Variants in DBI observed in about 807,000 individuals in gnomAD.
DBI encodes the protein acyl-CoA-binding protein.
Under a neutral mutation model 13.0 loss-of-function variants are expected in DBI, and 12 were observed. The observed-to-expected ratio is 0.92, with a 90% confidence interval of 0.59 to 1.49. The LOEUF is 1.49. Among genes scored for constraint, DBI ranks in the 40% most tolerant of loss-of-function variants. The probability of loss-of-function intolerance (pLI) is 0.00; values close to 1 mark genes in which losing one functional copy is unlikely to be tolerated. For missense variants in DBI, 95 were observed against 104.8 expected, an observed-to-expected ratio of 0.91 and a Z score of 0.41; for synonymous variants, 37 against 37.4, an observed-to-expected ratio of 0.99 and a Z score of 0.04.
chr2:119,370,832 G>GTGAAACCC, intron 3 of DBI, 30 bp downstream of exon 3: 1 of 1,589,262 alleles, frequency 6.3e-7, no homozygotes, highest in Non-Finnish European at 8.6e-7. Flanking sequence ...TCTCTCATTT[G>GTGAAACCC]TGAAACCCAG....
chr2:119,369,058 C>G (rs1681317008), intron 2 of DBI, among the ~76,000 whole-genome samples: 2 of 152,180 alleles, frequency 1.3e-5, no homozygotes, highest in African/African-American at 4.8e-5. Context: ...AGCAGGTGGG[C>G]TGGCTGCCAA....
At chr2:119,367,953 T>C in intron 1 of DBI, 11 of 1,614,196 alleles carry the variant, frequency 6.8e-6, no homozygotes, top group Non-Finnish European at 9.3e-6. Flanking sequence ...GGATATATGG[T>C]TTTCGATTGA....
Position 119,368,307 on chromosome 2 carries a change from T to C in DBI, c.127+2T>C. ...CAACTGTGGGCGACATAAATACAGG[T>C]ATGCAGAGCGGGGGTTGGAAGGGCA... On this transcript the variant is annotated splice_donor_variant, in intron 2 of 3. Transcript: ENST00000355857. LOFTEE classifies it high-confidence loss of function. 1.2e-6 allele frequency: 2 copies of C among 1,608,988 alleles called. No homozygotes were observed. The highest frequency in any genetic ancestry group is 1.7e-6 in the Non-Finnish European group (2 of 1,175,364).
chr2:119,368,065 C>G, intron 1 of DBI, 123 bp from the exon 2 acceptor site: 1 of 1,503,710 alleles, frequency 6.7e-7, no homozygotes. Flanking sequence ...CTGCATTGCC[C>G]GAAGGGTGCC....
rs540715510 is a variant in DBI, at chr2:119,371,989, G to T, written c.191-256G>T. 3.9e-5 allele frequency among the ~76,000 whole-genome samples: 6 copies of T among 152,358 alleles called. No homozygotes were observed. In the South Asian group the frequency reaches 1.2e-3, roughly 32 times the overall value. On this transcript the variant is annotated intron_variant, in intron 3 of 3. Coordinates refer to ENST00000355857, the MANE Select transcript of DBI (RefSeq NM_001079862.4). ...CAATGGCCATTCCCCCAGGACAGGT[G>T]GGGGACGCAGGTGTCCAGCAGATGG...
At chr2:119,367,763 T>C in intron 1 of DBI, 1 of 1,608,286 alleles carries the variant, frequency 6.2e-7, no homozygotes, top group East Asian at 2.2e-5. Flanking sequence ...GTGCCCCGTC[T>C]GTCCTCAGGC....
chr2:119,367,157 C>T lies in DBI; in HGVS notation c.9+97C>T, dbSNP rs1017211166. On this transcript the variant is annotated intron_variant, in intron 1 of 3. Coordinates refer to ENST00000355857, the MANE Select transcript of DBI (RefSeq NM_001079862.4). Reference sequence around the variant, plus strand: ...CAGAAGCTCTCGGGCTCTTTCCTTCCGTGCCCCTCACTTGCTCATGGGCCC... The same window carrying T: ...CAGAAGCTCTCGGGCTCTTTCCTTCTGTGCCCCTCACTTGCTCATGGGCCC... 2.4e-5 allele frequency: 37 copies of T among 1,567,568 alleles called. No homozygotes were observed. In the African/African-American group the frequency reaches 2.6e-4, roughly 11 times the overall value.
chr2:119,368,002 G>A (rs564980534), intron 1 of DBI, 186 bp from the exon 2 acceptor site: 1 of 1,607,724 alleles, frequency 6.2e-7, no homozygotes, highest in Non-Finnish European at 8.5e-7. Context: ...TTGTGTTGCT[G>A]AATCTTTCTA....
chr2:119,368,191 G>A lies in DBI; in HGVS notation c.13G>A (p.Glu5Lys). The change falls in exon 2 of 4, where the codon GAG becomes AAG. Residue 5 changes from glutamate to lysine, a missense_variant. Physicochemically the swap from Glu to Lys is moderately conservative, Grantham distance 56. Transcript: ENST00000355857. ...CTCTCCTCTCCCTTCCATTTAGGCT[G>A]AGTTTGAGAAAGCTGCAGAGGAGGT... MSQA[E>K]FEKAAEEVRH... The A allele has an allele frequency of 6.2e-7, 1 of 1,613,214 alleles. No individual in the cohort carries two copies. The highest frequency in any genetic ancestry group is 8.5e-7 in the Non-Finnish European group (1 of 1,179,772).
chr2:119,368,010 C>T, intron 1 of DBI, 178 bp from the exon 2 acceptor site: 1 of 1,603,170 alleles, frequency 6.2e-7, no homozygotes, highest in Non-Finnish European at 8.5e-7. Flanking sequence ...CTGAATCTTT[C>T]TAGCTGCCCT....
rs767950936 is a variant in DBI, at chr2:119,367,069, C to T, written c.9+9C>T. 6.2e-7 allele frequency: 1 copy of T among 1,613,976 alleles called. No homozygotes were observed. Among genetic ancestry groups the T allele is most frequent in the South Asian group, 1.1e-5 (1 of 91,070 alleles). On this transcript the variant is annotated intron_variant, in intron 1 of 3. Transcript: ENST00000355857. ...CGGCCAGGATGTCTCAGGTACAGCGCGTGCACAGCCAGGCTGCGAAGGTGC... is the reference window on the plus strand; with the variant it reads ...CGGCCAGGATGTCTCAGGTACAGCGTGTGCACAGCCAGGCTGCGAAGGTGC...
chr2:119,370,749 G>T lies in DBI; in HGVS notation c.137G>T (p.Gly46Val). The change falls in exon 3 of 4, where the codon GGG becomes GTG. Residue 46 changes from glycine (G) to valine (V), a missense_variant. By Grantham distance (109) the Gly-to-Val change is moderately radical. Coordinates refer to ENST00000355857, the MANE Select transcript of DBI (RefSeq NM_001079862.4). ...TCTTCCCTTGTTTAAGAACGGCCCG[G>T]GATGTTGGACTTCACGGGCAAGGCC... is the stretch of plus-strand genomic sequence containing the variant. ...TVGDINTERP[G>V]MLDFTGKAKW... 1 of 1,614,028 alleles carries T rather than the reference G, an allele frequency of 6.2e-7. No homozygotes were observed. Among genetic ancestry groups the T allele is most frequent in the Non-Finnish European group, 8.5e-7 (1 of 1,179,930 alleles).
intron 1 of DBI, chr2:119,367,859 G>T (rs1040922963): frequency 1.8e-5 from 29 of 1,613,850 alleles, no homozygotes; most frequent in Non-Finnish European, 2.4e-5. Flanking sequence ...TCCCGCAGAG[G>T]GGACCCCCAC....
At chr2:119,372,018 A>G (rs1459765269) in intron 3 of DBI, among the ~76,000 whole-genome samples, 1 of 152,212 alleles carries the variant, frequency 6.6e-6, no homozygotes, top group Non-Finnish European at 1.5e-5. Flanking sequence ...CAGATGGGCG[A>G]CAGATCTTGG....
intron 2 of DBI, among the ~76,000 whole-genome samples, chr2:119,369,024 C>T (rs562382355): frequency 9.9e-5 from 15 of 152,270 alleles, no homozygotes; most frequent in South Asian, 4.1e-4. Flanking sequence ...TCCCTATTTC[C>T]GCAGTAGCTG....
In DBI at chr2:119,368,212, G is replaced by A; in HGVS notation, c.34G>A (p.Glu12Lys). 1 of 1,613,706 alleles carries A rather than the reference G, an allele frequency of 6.2e-7. No individual in the cohort carries two copies. Among genetic ancestry groups the A allele is most frequent in the Non-Finnish European group, 8.5e-7 (1 of 1,180,012 alleles). ...SQAEFEKAAE[E>K]VRHLKTKPSD... ...GGCTGAGTTTGAGAAAGCTGCAGAGGAGGTTAGGCACCTTAAGACCAAGCC... is the reference window on the plus strand; with the variant it reads ...GGCTGAGTTTGAGAAAGCTGCAGAGAAGGTTAGGCACCTTAAGACCAAGCC... The change falls in exon 2 of 4, where the codon GAG becomes AAG. Residue 12 changes from glutamate to lysine, a missense_variant. Coordinates refer to ENST00000355857, the MANE Select transcript of DBI (RefSeq NM_001079862.4).
chr2:119,372,353 C>T lies in DBI; in HGVS notation c.*35C>T, dbSNP rs777846902. ...TTTGGTTACTGTGCCATGTGTTTATCCTAAACTGAGACAATGCCTTGTTTT... is the reference window on the plus strand; with the variant it reads ...TTTGGTTACTGTGCCATGTGTTTATTCTAAACTGAGACAATGCCTTGTTTT... On this transcript the variant is annotated 3_prime_UTR_variant, in exon 4 of 4. Coordinates refer to ENST00000355857, the MANE Select transcript of DBI (RefSeq NM_001079862.4). 2.0e-6 allele frequency: 3 copies of T among 1,502,388 alleles called. No homozygotes were observed. The highest frequency in any genetic ancestry group is 2.8e-6 in the Non-Finnish European group (3 of 1,078,574). The allele number at this position is 1,502,388 out of a possible 1,614,324, so 93.1% of individuals were successfully genotyped here. A position where few individuals can be genotyped will look rare whatever the true frequency, so the allele number is the denominator to read the frequency against.
At position 119,367,013 on chromosome 2, in the gene DBI, C is replaced by G. The variant is rs1573709088; in HGVS notation, c.-39C>G. On this transcript the variant is annotated 5_prime_UTR_variant, in exon 1 of 4. Coordinates refer to ENST00000355857, the MANE Select transcript of DBI (RefSeq NM_001079862.4). ...GGCGATCGCTTCCTGGTCCTCGCCT[C>G]CTCCGCTGTCTCCCTGGAGTTCTTG... 6.2e-7 allele frequency: 1 copy of G among 1,613,834 alleles called. No individual in the cohort carries two copies. The highest frequency in any genetic ancestry group is 1.3e-5 in the African/African-American group (1 of 75,064).
chr2:119,370,024 C>T (rs1354780503), intron 2 of DBI, among the ~76,000 whole-genome samples: 1 of 152,060 alleles, frequency 6.6e-6, no homozygotes, highest in Non-Finnish European at 1.5e-5. Context: ...TTCAGCTGTC[C>T]CTGGGAACAC....
Sources: gnomAD v4.1 joint callset for allele counts (sites outside exome capture counted in the v4.1 genomes callset) on GRCh38, gnomAD v4.1.1 for gene constraint, MANE v1.5 for transcripts, NCBI Gene and HGNC (gene_info 2026-07-23, HGNC 2026-07-21) for gene names.